The following ARHGAP21 variants were observed in gnomAD, a reference collection of about 807,000 sequenced individuals.
ARHGAP21 encodes Rho GTPase activating protein 21.
ARHGAP21 carries 38 observed loss-of-function variants against 164.6 expected under a neutral mutation model. The observed-to-expected ratio is 0.23, with a 90% confidence interval of 0.18 to 0.30. ARHGAP21 has a LOEUF of 0.30. Among genes scored for constraint, ARHGAP21 ranks in the 10% least tolerant of loss-of-function variants. The pLI is 1.00. For missense variants in ARHGAP21, 1,822 were observed against 2,370.7 expected (o/e 0.77, Z 4.81); for synonymous variants, 766 against 857.9 (o/e 0.89, Z 1.87).
Position 24,596,856 on chromosome 10 carries a change from C to G in ARHGAP21, c.3361G>C (p.Gly1121Arg). The part of the protein sequence containing the change: ...KDDTSPPKDK[G>R]TWRKGIPSIM... ...CTTGGAATGCCTTTTCTCCATGTGCCTTTGTCTTTTGGGGGACTGGTATCA... is the reference window on the plus strand; with the variant it reads ...CTTGGAATGCCTTTTCTCCATGTGCGTTTGTCTTTTGGGGGACTGGTATCA... The change falls in exon 17 of 26, where the codon GGC becomes CGC. Residue 1121 changes from glycine (G) to arginine (R), a missense_variant. Gly to Arg is a moderately radical substitution (Grantham distance 125). Coordinates refer to ENST00000396432, the MANE Select transcript of ARHGAP21 (RefSeq NM_020824.4). 1 of 1,609,518 alleles carries G rather than the reference C, an allele frequency of 6.2e-7. No homozygotes were observed. Among genetic ancestry groups the G allele is most frequent in the East Asian group, 2.2e-5 (1 of 44,492 alleles).
In ARHGAP21 at chr10:24,622,744, C is replaced by T. The variant is rs1033766093; in HGVS notation, c.514G>A (p.Val172Ile). The T allele has an allele frequency of 1.2e-6, 2 of 1,611,672 alleles. No individual in the cohort carries two copies. The highest frequency in any genetic ancestry group is 2.7e-5 in the African/African-American group (2 of 74,748). The change falls in exon 8 of 26, where the codon GTC becomes ATC. Residue 172 changes from valine (V) to isoleucine (I), a missense_variant. By Grantham distance (29) the Val-to-Ile change is conservative (BLOSUM62 3). This residue lies in a region of ARHGAP21 where 1,090 missense variants were observed against 1,378.9 expected (regional missense o/e 0.79). Coordinates refer to ENST00000396432, the MANE Select transcript of ARHGAP21 (RefSeq NM_020824.4). ...ILQVLQFTKD[V>I]TALAYSQDAY... ...TGTGCATTTCTTACCAGTGCTGTGA[C>T]ATCCTTTGTAAACTGTAGCTAGCAG...
chr10:24,603,062 C>G (rs947740385), intron 12 of ARHGAP21, among the ~76,000 whole-genome samples: 2 of 152,142 alleles, frequency 1.3e-5, no homozygotes, highest in African/African-American at 4.8e-5. Flanking sequence ...ACACCAGCTG[C>G]AGTTCAGGAA....
intron 2 of ARHGAP21, among the ~76,000 whole-genome samples, chr10:24,698,343 A>G (rs954670562): frequency 6.6e-6 from 1 of 152,182 alleles, no homozygotes; most frequent in Non-Finnish European, 1.5e-5. Flanking sequence ...CTAAATCCAG[A>G]GCATTAACAC....
intron 2 of ARHGAP21, among the ~76,000 whole-genome samples, chr10:24,709,188 A>C (rs547114755): frequency 2.0e-5 from 3 of 152,328 alleles, no homozygotes; most frequent in African/African-American, 7.2e-5. Context: ...AGAAACATAC[A>C]ACCACTCAAG....
intron 21 of ARHGAP21, among the ~76,000 whole-genome samples, chr10:24,592,556 C>G (rs1216911275): frequency 6.6e-6 from 1 of 151,774 alleles, no homozygotes; most frequent in Non-Finnish European, 1.5e-5. Context: ...ACCTGTAGTC[C>G]CAGCACTTTG....
intron 2 of ARHGAP21, among the ~76,000 whole-genome samples, chr10:24,694,806 C>A (rs1843013913): frequency 6.6e-6 from 1 of 152,032 alleles, no homozygotes; most frequent in African/African-American, 2.4e-5. Context: ...AATCCCAGCA[C>A]TTTGGGAGGC....
intron 9 of ARHGAP21, among the ~76,000 whole-genome samples, chr10:24,611,377 AAAAG>A (rs1297536958): frequency 2.2e-4 from 33 of 152,224 alleles, no homozygotes; most frequent in African/African-American, 7.7e-4. Context: ...TATGTGGAGA[AAAAG>A]AATCTGAGAA....
At chr10:24,666,913 A>T in intron 4 of ARHGAP21, 72 bp downstream of exon 4, 1 of 1,062,920 alleles carries the variant, frequency 9.4e-7, no homozygotes, top group Non-Finnish European at 1.4e-6. Flanking sequence ...CATCTCATTT[A>T]GTATCACTTA....
At chr10:24,590,940 T>TAAAAAAAAAAA in intron 24 of ARHGAP21, 1 of 680,386 alleles carries the variant, frequency 1.5e-6, no homozygotes, top group Non-Finnish European at 1.8e-6. Flanking sequence ...AACTGTGAAT[T>TAAAAAAAAAAA]AAAAAAAAAA....
At chr10:24,614,697 C>T (rs1030414902) in intron 9 of ARHGAP21, among the ~76,000 whole-genome samples, 1 of 149,602 alleles carries the variant, frequency 6.7e-6, no homozygotes, top group Non-Finnish European at 1.5e-5. Context: ...GTGGGAGAAT[C>T]GCTTGAACCT....
chr10:24,692,677 C>T (rs1401993030), intron 2 of ARHGAP21, among the ~76,000 whole-genome samples: 3 of 151,948 alleles, frequency 2.0e-5, no homozygotes, highest in Non-Finnish European at 4.4e-5. Flanking sequence ...ACTAAAAATA[C>T]AAAAAGTAGC....
At chr10:24,617,896 CCTT>C (rs1202253800) in intron 9 of ARHGAP21, among the ~76,000 whole-genome samples, 5 of 152,194 alleles carry the variant, frequency 3.3e-5, no homozygotes, top group Non-Finnish European at 7.4e-5. Context: ...ACAAGTATGG[CCTT>C]GGTTGGTGGC....
intron 4 of ARHGAP21, 148 bp from the exon 5 acceptor site, chr10:24,635,251 T>A (rs1039433943): frequency 1.9e-6 from 1 of 518,494 alleles, no homozygotes; most frequent in African/African-American, 1.9e-5. Context: ...AATTATAATG[T>A]AGGGGTTTTC....
chr10:24,596,577 A>G, intron 17 of ARHGAP21, 163 bp downstream of exon 17: 1 of 901,706 alleles, frequency 1.1e-6, no homozygotes, highest in Admixed American at 3.1e-5. Context: ...TACATTAGAA[A>G]AAAAGCATTA....
At chr10:24,630,308 T>G (rs1026361474) in intron 6 of ARHGAP21, among the ~76,000 whole-genome samples, 10 of 152,170 alleles carry the variant, frequency 6.6e-5, no homozygotes, top group African/African-American at 2.4e-4. Context: ...CTTTATAACA[T>G]GTTTCTAATT....
intron 7 of ARHGAP21, chr10:24,628,982 ATTTTTTTTTTTT>A (rs1166249007): frequency 8.6e-4 from 10 of 11,626 alleles, no homozygotes; most frequent in Middle Eastern, 0.071. Context: ...ATATATATAT[ATTTTTTTTTTTT>A]TTTTTTTTTT....
In ARHGAP21 at chr10:24,686,623, T is replaced by C. The variant is rs183685454; in HGVS notation, c.64-16226A>G. 1.6e-4 allele frequency among the ~76,000 whole-genome samples: 25 copies of C among 152,160 alleles called. No individual in the cohort carries two copies. The East Asian group carries it at 4.8e-3, about 29-fold the overall frequency. On this transcript the variant is annotated intron_variant, in intron 2 of 25. Transcript: ENST00000396432. ...AAAAATATAAAACTCCCCAATATGA[T>C]CAAAATTATTTTAATCACATACACA...
chr10:24,649,159 T>C (rs1416152072), intron 4 of ARHGAP21, among the ~76,000 whole-genome samples: 1 of 152,210 alleles, frequency 6.6e-6, no homozygotes, highest in East Asian at 1.9e-4. Context: ...GACAAATACA[T>C]GGGTAGCAAA....
At chr10:24,665,207 G>A (rs1013330564) in intron 4 of ARHGAP21, among the ~76,000 whole-genome samples, 1 of 151,792 alleles carries the variant, frequency 6.6e-6, no homozygotes, top group Non-Finnish European at 1.5e-5. Flanking sequence ...CCTAACCCTG[G>A]TGCATGACAG....
Sources: allele counts gnomAD v4.1 joint callset (sites outside exome capture counted in the v4.1 genomes callset), GRCh38; gene constraint gnomAD v4.1.1; regional missense constraint gnomAD v4.1.1; transcripts MANE v1.5; gene names NCBI Gene and HGNC (gene_info 2026-07-23, HGNC 2026-07-21).